Variants in C1orf21 observed in about 807,000 individuals in gnomAD.
C1orf21 encodes uncharacterized protein C1orf21.
A neutral mutation model predicts 18.7 loss-of-function variants in C1orf21; 3 were observed. The observed-to-expected ratio is 0.16, with a 90% CI of 0.07 to 0.42. The LOEUF is 0.42. Ranked by LOEUF, C1orf21 falls within the 10% of genes least tolerant of loss-of-function variation. The probability of loss-of-function intolerance (pLI) is 0.99; values close to 1 mark genes in which losing one functional copy is unlikely to be tolerated. For missense variants in C1orf21, 104 were observed against 143.6 expected, an observed-to-expected ratio of 0.72 and a Z score of 1.41; for synonymous variants, 41 against 46.4, an observed-to-expected ratio of 0.88 and a Z score of 0.47.
chr1:184,568,003 T>C (rs1659057532), intron 3 of C1orf21, among the ~76,000 whole-genome samples: 1 of 152,174 alleles, frequency 6.6e-6, no homozygotes, highest in Non-Finnish European at 1.5e-5. Flanking sequence ...AGGTGCACCA[T>C]GGCTGAAGAC....
intron 1 of C1orf21, among the ~76,000 whole-genome samples, chr1:184,417,410 G>T (rs1166530839): frequency 1.3e-5 from 2 of 152,148 alleles, no homozygotes; most frequent in Non-Finnish European, 2.9e-5. Flanking sequence ...CGGAATGCTT[G>T]TGAAGGCTTT....
chr1:184,444,445 C>T (rs1287873017), intron 1 of C1orf21, among the ~76,000 whole-genome samples: 1 of 152,114 alleles, frequency 6.6e-6, no homozygotes, highest in Non-Finnish European at 1.5e-5. Context: ...GCATCTTCCT[C>T]ATTTTCTCTT....
chr1:184,587,674 A>G (rs1246779668), intron 3 of C1orf21, among the ~76,000 whole-genome samples: 6 of 141,022 alleles, frequency 4.3e-5, no homozygotes. Context: ...TTTTTTTGAG[A>G]TGGAGTCTTG....
intron 5 of C1orf21, among the ~76,000 whole-genome samples, chr1:184,615,524 G>A (rs954686875): frequency 1.3e-5 from 2 of 152,186 alleles, no homozygotes; most frequent in Non-Finnish European, 2.9e-5. Context: ...TCCATTTGGG[G>A]TTCCTTTAAG....
chr1:184,480,889 T>C (rs1237466536), intron 2 of C1orf21, among the ~76,000 whole-genome samples: 3 of 152,122 alleles, frequency 2.0e-5, no homozygotes. Context: ...CAAGCAGAGC[T>C]AGGTTGTATA....
intron 5 of C1orf21, among the ~76,000 whole-genome samples, chr1:184,618,104 T>C (rs1426160113): frequency 6.6e-6 from 1 of 152,008 alleles, no homozygotes; most frequent in African/African-American, 2.4e-5. Context: ...GAGATGGGGT[T>C]TCACCATGTT....
In C1orf21 at chr1:184,529,427, G is replaced by A. The variant is rs987360410; in HGVS notation, c.189+21745G>A. On this transcript the variant is annotated intron_variant, in intron 3 of 5. Coordinates refer to ENST00000235307, the MANE Select transcript of C1orf21 (RefSeq NM_030806.4). ...ATAATAAGAACATAGAGACATGGAG[G>A]AGAAGAACAATCAAACTTCTTGGCT... is the stretch of plus-strand genomic sequence containing the variant. 2.6e-5 allele frequency among the ~76,000 whole-genome samples: 4 copies of A among 152,328 alleles called. No homozygotes were observed. The South Asian group carries it at 8.3e-4, about 32-fold the overall frequency.
At chr1:184,542,491 A>T (rs766004720) in intron 3 of C1orf21, 2 of 152,182 alleles carry the variant, frequency 1.3e-5, no homozygotes, top group Non-Finnish European at 2.9e-5. Context: ...ATAATGATTC[A>T]TAGGACAGAA....
intron 3 of C1orf21, among the ~76,000 whole-genome samples, chr1:184,577,574 A>G (rs185894627): frequency 2.3e-4 from 35 of 152,274 alleles, no homozygotes; most frequent in Admixed American, 1.7e-3. Context: ...CTGGAGTCTG[A>G]TTTTAATTTT....
intron 3 of C1orf21, among the ~76,000 whole-genome samples, chr1:184,515,092 A>G (rs911971392): frequency 1.3e-5 from 2 of 152,182 alleles, no homozygotes; most frequent in African/African-American, 4.8e-5. Flanking sequence ...AAAATTAAAT[A>G]AGGTATACCT....
At chr1:184,468,405 GA>G (rs1398359333) in intron 1 of C1orf21, among the ~76,000 whole-genome samples, 2 of 151,822 alleles carry the variant, frequency 1.3e-5, no homozygotes, top group Admixed American at 6.6e-5. Flanking sequence ...TAAGGAGGGG[GA>G]AAAAAGGAGG....
At chr1:184,393,296 C>T (rs1299621273) in intron 1 of C1orf21, among the ~76,000 whole-genome samples, 1 of 152,236 alleles carries the variant, frequency 6.6e-6, no homozygotes, top group East Asian at 1.9e-4. Flanking sequence ...AGCCCAGTGA[C>T]TCCCTTCTTC....
intron 3 of C1orf21, among the ~76,000 whole-genome samples, chr1:184,590,040 G>C (rs1659414033): frequency 6.6e-6 from 1 of 152,132 alleles, no homozygotes; most frequent in African/African-American, 2.4e-5. Flanking sequence ...AAATTATAAA[G>C]CACCTTGAAT....
chr1:184,475,309 C>T (rs549398844), intron 1 of C1orf21, among the ~76,000 whole-genome samples: 10 of 152,116 alleles, frequency 6.6e-5, no homozygotes, highest in Non-Finnish European at 1.5e-4. Context: ...AGGCCCTTCA[C>T]GAAGTATCAG....
At chr1:184,502,383 A>G (rs1285343713) in intron 2 of C1orf21, among the ~76,000 whole-genome samples, 1 of 152,078 alleles carries the variant, frequency 6.6e-6, no homozygotes, top group Admixed American at 6.6e-5. Context: ...CAAAGGCCCC[A>G]CCTCTCAATA....
At chr1:184,535,444 C>T (rs528953268) in intron 3 of C1orf21, among the ~76,000 whole-genome samples, 3 of 152,292 alleles carry the variant, frequency 2.0e-5, no homozygotes, top group Admixed American at 1.3e-4. Flanking sequence ...CCAATAAGGT[C>T]AGATGTTTTT....
chr1:184,493,073 C>T (rs1571384178), intron 2 of C1orf21, among the ~76,000 whole-genome samples: 1 of 152,132 alleles, frequency 6.6e-6, no homozygotes, highest in Non-Finnish European at 1.5e-5. Flanking sequence ...GATTATATTT[C>T]TGTGGCTATA....
At chr1:184,423,183 C>T (rs566794827) in intron 1 of C1orf21, among the ~76,000 whole-genome samples, 1 of 152,296 alleles carries the variant, frequency 6.6e-6, no homozygotes, top group South Asian at 2.1e-4. Context: ...TGAATAACTG[C>T]TGAAAGTCAG....
intron 2 of C1orf21, among the ~76,000 whole-genome samples, chr1:184,502,098 A>G (rs1440194210): frequency 6.6e-6 from 1 of 152,236 alleles, no homozygotes; most frequent in Non-Finnish European, 1.5e-5. Context: ...CACTGAGATG[A>G]GTCTTACACC....
Sources: allele counts gnomAD v4.1 joint callset (sites outside exome capture counted in the v4.1 genomes callset), GRCh38; gene constraint gnomAD v4.1.1; transcripts MANE v1.5; gene names NCBI Gene and HGNC (gene_info 2026-07-23, HGNC 2026-07-21).